The following LRRC4C variants were observed in gnomAD, a reference collection of about 807,000 sequenced individuals.
The protein encoded by LRRC4C is leucine rich repeat containing 4C.
A neutral mutation model predicts 33.6 loss-of-function variants in LRRC4C; 5 were observed. The ratio of observed to expected loss-of-function variants is 0.15; its 90% CI spans 0.08 to 0.31. The LOEUF (loss-of-function observed/expected upper bound fraction) is 0.31, where lower values mean the gene tolerates loss of function less well. Ranked by LOEUF, LRRC4C falls within the 10% of genes least tolerant of loss-of-function variation. The pLI, the probability that LRRC4C is intolerant of heterozygous loss-of-function variation, is 1.00. For synonymous variants in LRRC4C, 329 were observed against 302.0 expected (o/e 1.09, Z -0.93); for missense variants, 560 against 796.7 (o/e 0.70, Z 3.58).
chr11:40,731,612 C>G (rs1043114416), intron 2 of LRRC4C, among the ~76,000 whole-genome samples: 1 of 152,144 alleles, frequency 6.6e-6, no homozygotes, highest in East Asian at 1.9e-4. Context: ...TTCTTTACCC[C>G]TTCACCTTCA....
intron 1 of LRRC4C, among the ~76,000 whole-genome samples, chr11:41,377,494 G>GA (rs550532143): frequency 6.6e-6 from 1 of 152,122 alleles, no homozygotes; most frequent in South Asian, 2.1e-4. Flanking sequence ...AGGGGATCAG[G>GA]AAAAAAACAA....
At chr11:41,221,732 T>A (rs1315721181) in intron 1 of LRRC4C, among the ~76,000 whole-genome samples, 1 of 152,192 alleles carries the variant, frequency 6.6e-6, no homozygotes. Flanking sequence ...ATGGGAAATA[T>A]TGGAAAGAAT....
intron 5 of LRRC4C, among the ~76,000 whole-genome samples, chr11:40,226,214 T>C (rs1241650568): frequency 6.6e-6 from 1 of 152,190 alleles, no homozygotes; most frequent in East Asian, 1.9e-4. Flanking sequence ...CTTAAGCTCA[T>C]TCCACTATGA....
chr11:40,569,837 A>G (rs181489587), intron 3 of LRRC4C, among the ~76,000 whole-genome samples: 4 of 152,202 alleles, frequency 2.6e-5, no homozygotes, highest in Non-Finnish European at 5.9e-5. Context: ...TTGTGAATCA[A>G]TAAAAAGTGG....
At chr11:40,128,636 G>T (rs896839570) in intron 6 of LRRC4C, among the ~76,000 whole-genome samples, 2 of 152,032 alleles carry the variant, frequency 1.3e-5, no homozygotes, top group African/African-American at 2.4e-5. Context: ...GACTCAGCCT[G>T]ACCTCTGTCT....
At chr11:40,323,862 A>T (rs1945972594) in intron 3 of LRRC4C, among the ~76,000 whole-genome samples, 1 of 152,226 alleles carries the variant, frequency 6.6e-6, no homozygotes, top group African/African-American at 2.4e-5. Context: ...ATTAGGTGGT[A>T]TCAGAGGTAG....
At chr11:41,275,020 C>A (rs1183202573) in intron 1 of LRRC4C, among the ~76,000 whole-genome samples, 1 of 152,070 alleles carries the variant, frequency 6.6e-6, no homozygotes, top group Non-Finnish European at 1.5e-5. Flanking sequence ...TGAGTGAGTT[C>A]TCACTTTCTG....
intron 5 of LRRC4C, among the ~76,000 whole-genome samples, chr11:40,150,992 G>T (rs892532991): frequency 6.6e-6 from 1 of 152,122 alleles, no homozygotes; most frequent in East Asian, 1.9e-4. Flanking sequence ...AATGTCATCT[G>T]CTTCTGAACT....
rs148922738 is a variant in LRRC4C at position 40,329,388 on chromosome 11, G to A, written c.-269-9667C>T. 2.1e-4 allele frequency among the ~76,000 whole-genome samples: 32 copies of A among 152,324 alleles called. No individual in the cohort carries two copies. In the East Asian group the frequency reaches 5.8e-3, roughly 28 times the overall value. On this transcript the variant is annotated intron_variant, in intron 3 of 6. Coordinates refer to ENST00000528697, the MANE Select transcript of LRRC4C (RefSeq NM_001258419.2). ...TGAGGGGAGCAACGGAAACAGTGCT[G>A]TAAACTGGAAACATGCCACGTGAGT...
intron 5 of LRRC4C, among the ~76,000 whole-genome samples, chr11:40,155,774 G>A (rs1858637965): frequency 6.6e-6 from 1 of 152,114 alleles, no homozygotes; most frequent in Non-Finnish European, 1.5e-5. Flanking sequence ...TCTACCAGAT[G>A]TTCAAAGAAG....
intron 1 of LRRC4C, among the ~76,000 whole-genome samples, chr11:41,148,358 T>C (rs1390276972): frequency 1.3e-5 from 2 of 152,114 alleles, no homozygotes; most frequent in African/African-American, 2.4e-5. Context: ...AACACTGTAC[T>C]GTAGCCTGGG....
intron 2 of LRRC4C, among the ~76,000 whole-genome samples, chr11:40,681,148 G>A (rs1368030984): frequency 6.6e-6 from 1 of 152,144 alleles, no homozygotes; most frequent in Non-Finnish European, 1.5e-5. Context: ...CAGCCTAATA[G>A]CAGAGGTAAT....
intron 1 of LRRC4C, among the ~76,000 whole-genome samples, chr11:41,420,069 G>A (rs1954823204): frequency 6.6e-6 from 1 of 151,932 alleles, no homozygotes; most frequent in African/African-American, 2.4e-5. Flanking sequence ...CCTGCTTTGT[G>A]TACAGAGCAG....
intron 5 of LRRC4C, among the ~76,000 whole-genome samples, chr11:40,171,004 A>C (rs1377987712): frequency 6.6e-6 from 1 of 152,206 alleles, no homozygotes; most frequent in African/African-American, 2.4e-5. Context: ...CTTTATCCAG[A>C]GCATTTACAG....
intron 1 of LRRC4C, among the ~76,000 whole-genome samples, chr11:41,358,338 TTGA>T (rs1304652715): frequency 6.6e-6 from 1 of 152,042 alleles, no homozygotes; most frequent in Non-Finnish European, 1.5e-5. Context: ...GACCTTGGGT[TTGA>T]TGATGAATAT....
intron 3 of LRRC4C, among the ~76,000 whole-genome samples, chr11:40,529,266 C>T (rs56227922): frequency 0.088 from 13,365 of 151,842 alleles, 1,666 homozygotes; most frequent in African/African-American, 0.28. Flanking sequence ...ATGCATACGT[C>T]CAAACTCATC....
intron 3 of LRRC4C, among the ~76,000 whole-genome samples, chr11:40,611,856 CAACAACAAAA>C (rs147077437): frequency 0.17 from 25,215 of 151,312 alleles, 2,527 homozygotes; most frequent in East Asian, 0.47. Flanking sequence ...ATCAAAATAA[CAACAACAAAA>C]AACAACAAAA....
At chr11:40,983,455 G>A (rs1386600018) in intron 1 of LRRC4C, among the ~76,000 whole-genome samples, 8 of 152,136 alleles carry the variant, frequency 5.3e-5, no homozygotes, top group East Asian at 1.9e-4. Context: ...ACAGGCATGG[G>A]CAAAGATTTC....
intron 1 of LRRC4C, among the ~76,000 whole-genome samples, chr11:41,031,381 C>A (rs993553842): frequency 1.3e-5 from 2 of 151,826 alleles, no homozygotes; most frequent in Non-Finnish European, 2.9e-5. Context: ...TATATCTTTG[C>A]TAAATAAAAA....
Sources: gnomAD v4.1 joint callset for allele counts (sites outside exome capture counted in the v4.1 genomes callset) on GRCh38, gnomAD v4.1.1 for gene constraint, MANE v1.5 for transcripts, NCBI Gene and HGNC (gene_info 2026-07-23, HGNC 2026-07-21) for gene names.